The following UXS1 variants were observed in gnomAD, a reference collection of about 807,000 sequenced individuals.
UXS1 encodes UDP-glucuronic acid decarboxylase 1.
A neutral mutation model predicts 62.6 loss-of-function variants in UXS1; 33 were observed. That is an observed-to-expected ratio of 0.53 (90% CI 0.40 to 0.70). UXS1 has a LOEUF of 0.70. UXS1 is among the 30% of genes least tolerant of loss of function. UXS1 has a pLI of 0.00. For missense variants in UXS1, 434 were observed against 556.3 expected, an observed-to-expected ratio of 0.78 and a Z score of 2.21; for synonymous variants, 213 against 206.8, an observed-to-expected ratio of 1.03 and a Z score of -0.26.
chr2:106,108,451 G>A (rs1193823060), intron 10 of UXS1, among the ~76,000 whole-genome samples: 1 of 152,172 alleles, frequency 6.6e-6, no homozygotes, highest in East Asian at 1.9e-4. Context: ...GGCCTGCAGG[G>A]ACTTGGCACA....
At chr2:106,124,386 C>T (rs1313640691) in intron 8 of UXS1, among the ~76,000 whole-genome samples, 3 of 152,146 alleles carry the variant, frequency 2.0e-5, no homozygotes, top group African/African-American at 4.8e-5. Flanking sequence ...ACAAAATCAC[C>T]GTGGAATAAA....
chr2:106,155,812 C>T (rs750943626), intron 5 of UXS1, among the ~76,000 whole-genome samples: 13 of 152,144 alleles, frequency 8.5e-5, no homozygotes, highest in Non-Finnish European at 1.6e-4. Context: ...ATTCAATGGG[C>T]AATGAATAGT....
rs763395712 is a variant in UXS1 at position 106,163,676 on chromosome 2, A to G, written c.221T>C (p.Leu74Ser). The change falls in exon 4 of 15, where the codon TTA becomes TCA. Residue 74 changes from leucine to serine, a missense_variant. Physicochemically the swap from Leu to Ser is moderately radical, Grantham distance 145 (BLOSUM62 -2). Transcript: ENST00000283148. ...VEPLREKIRD[L>S]EKSFTQKYPP... ...CAAAAAGTACACATACCTTTTTTCT[A>G]AATCTCTGATTTTCTCTCTTAGTGG... The G allele has an allele frequency of 2.0e-6, 3 of 1,471,362 alleles. No homozygotes were observed. In the South Asian group the frequency reaches 4.1e-5, roughly 20 times the overall value. The allele number at this position is 1,471,362 out of a possible 1,614,324, so 91.1% of individuals were successfully genotyped here.
chr2:106,144,954 A>G (rs1441183272), intron 6 of UXS1, among the ~76,000 whole-genome samples: 1 of 152,198 alleles, frequency 6.6e-6, no homozygotes, highest in East Asian at 1.9e-4. Flanking sequence ...CAACAGGTCC[A>G]TGAAGTTCAG....
chr2:106,155,606 G>A (rs1375953483), intron 5 of UXS1, among the ~76,000 whole-genome samples: 1 of 152,164 alleles, frequency 6.6e-6, no homozygotes, highest in Non-Finnish European at 1.5e-5. Flanking sequence ...TGTAGCATAT[G>A]AGCAATAGGT....
At chr2:106,107,419 G>A (rs1678177130) in intron 10 of UXS1, among the ~76,000 whole-genome samples, 1 of 152,324 alleles carries the variant, frequency 6.6e-6, no homozygotes, top group Admixed American at 6.5e-5. Flanking sequence ...AGGAGCCATG[G>A]AAGAGCACAG....
chr2:106,184,369 G>A (rs1291317201), intron 1 of UXS1, among the ~76,000 whole-genome samples: 2 of 152,124 alleles, frequency 1.3e-5, no homozygotes, highest in African/African-American at 4.8e-5. Flanking sequence ...CTGGTAACTG[G>A]CCTCACCTAT....
chr2:106,179,756 A>T (rs929875764), intron 1 of UXS1, among the ~76,000 whole-genome samples: 15 of 152,314 alleles, frequency 9.8e-5, no homozygotes, highest in Middle Eastern at 3.4e-3. Context: ...CTATGATATA[A>T]ATCTACCAAT....
chr2:106,161,521 C>T (rs906225386), intron 4 of UXS1, among the ~76,000 whole-genome samples: 1 of 152,144 alleles, frequency 6.6e-6, no homozygotes, highest in Non-Finnish European at 1.5e-5. Context: ...CAGCAAAATG[C>T]AGCAGAGGCA....
Position 106,115,661 on chromosome 2 carries a change from C to T in UXS1, c.760-2896G>A, listed in dbSNP as rs145730859. Among the ~76,000 whole-genome samples the T allele has an allele frequency of 2.0e-5, 3 of 152,336 alleles. No individual in the cohort carries two copies. In the East Asian group the frequency reaches 5.8e-4, roughly 29 times the overall value. Reference sequence around the variant, plus strand: ...CTGGAATGCCTGGATGGCCTCGTCTCATCCTGGGATTCATTATCCCAAGGA... The same window carrying T: ...CTGGAATGCCTGGATGGCCTCGTCTTATCCTGGGATTCATTATCCCAAGGA... On this transcript the variant is annotated intron_variant, in intron 9 of 14. Transcript: ENST00000283148.
intron 11 of UXS1, among the ~76,000 whole-genome samples, chr2:106,103,592 C>T (rs1677794055): frequency 6.6e-6 from 1 of 152,262 alleles, no homozygotes; most frequent in South Asian, 2.1e-4. Flanking sequence ...GAAATGAACA[C>T]AGTCCCAAAG....
At chr2:106,117,073 G>A (rs567862550) in intron 9 of UXS1, among the ~76,000 whole-genome samples, 1 of 152,312 alleles carries the variant, frequency 6.6e-6, no homozygotes, top group African/African-American at 2.4e-5. Context: ...CCACGTCTGT[G>A]TGGGTTTTCT....
intron 6 of UXS1, chr2:106,138,663 T>C: frequency 3.0e-6 from 3 of 985,476 alleles, no homozygotes; most frequent in Non-Finnish European, 3.6e-6. Flanking sequence ...TGGTTCAGTG[T>C]TTCTTCCTCA....
At chr2:106,099,907 C>A (rs143250264) in intron 12 of UXS1, among the ~76,000 whole-genome samples, 9 of 152,332 alleles carry the variant, frequency 5.9e-5, no homozygotes, top group African/African-American at 2.2e-4. Context: ...CAGGGCAATT[C>A]TTTCCTACGT....
intron 9 of UXS1, among the ~76,000 whole-genome samples, chr2:106,118,162 G>A (rs992536459): frequency 4.6e-5 from 7 of 152,198 alleles, no homozygotes; most frequent in African/African-American, 1.7e-4. Context: ...CAGAGGACAG[G>A]ACGGGCCTCC....
chr2:106,125,526 G>T, intron 8 of UXS1, 94 bp downstream of exon 8: 2 of 1,217,928 alleles, frequency 1.6e-6, no homozygotes, highest in Non-Finnish European at 2.2e-6. Flanking sequence ...GGCAGGCTGG[G>T]CCTCCTCAGA....
rs1450721083 is a variant in UXS1 at position 106,194,200 on chromosome 2, G to C, written c.42C>G (p.Asn14Lys). Residue 14 changes from asparagine to lysine, a missense_variant, in exon 1 of 15, where the codon AAC becomes AAG. Physicochemically the swap from Asn to Lys is moderately conservative, Grantham distance 94. Coordinates refer to ENST00000283148, the MANE Select transcript of UXS1 (RefSeq NM_001253875.2). ...KALLRLVSAV[N>K]RRRMKLLLGI... ...CCAGCAGCAGCTTCATCCTCCTGCG[G>C]TTGACGGCAGACACGAGGCGCAGCA... is the stretch of plus-strand genomic sequence containing the variant. The C allele has an allele frequency of 3.4e-6, 5 of 1,474,972 alleles. No homozygotes were observed. In the East Asian group the frequency reaches 1.2e-4, roughly 36 times the overall value. 91.4% of individuals were successfully genotyped at this position (1,474,972 alleles called of 1,614,324 possible).
At chr2:106,096,600 T>A in intron 14 of UXS1, 118 bp downstream of exon 14, 2 of 791,400 alleles carry the variant, frequency 2.5e-6, no homozygotes, top group Non-Finnish European at 3.9e-6. Context: ...TCTGCCTGGA[T>A]GCCGAGCCCA....
chr2:106,141,710 A>C (rs777629772), intron 6 of UXS1, among the ~76,000 whole-genome samples: 1 of 152,060 alleles, frequency 6.6e-6, no homozygotes, highest in Non-Finnish European at 1.5e-5. Context: ...CAGCCTCCCA[A>C]AGTACTGGGA....
Sources: gnomAD v4.1 joint callset for allele counts (sites outside exome capture counted in the v4.1 genomes callset) on GRCh38, gnomAD v4.1.1 for gene constraint, MANE v1.5 for transcripts, NCBI Gene and HGNC (gene_info 2026-07-23, HGNC 2026-07-21) for gene names.